Variants in TANC1 observed in about 807,000 individuals in gnomAD.
TANC1 encodes protein TANC1.
Under a neutral mutation model 149.7 loss-of-function variants are expected in TANC1, and 77 were observed. That is an observed-to-expected ratio of 0.51 (90% CI 0.43 to 0.62). The LOEUF (loss-of-function observed/expected upper bound fraction) is 0.62, where lower values mean the gene tolerates loss of function less well. Among genes scored for constraint, TANC1 ranks in the 20% least tolerant of loss-of-function variants. The pLI is 0.00. For synonymous variants in TANC1, 854 were observed against 925.0 expected, an observed-to-expected ratio of 0.92 and a Z score of 1.39; for missense variants, 1,985 against 2,321.8, an observed-to-expected ratio of 0.85 and a Z score of 2.98.
chr2:159,007,810 T>C (rs1193727583), intron 2 of TANC1, among the ~76,000 whole-genome samples: 4 of 152,132 alleles, frequency 2.6e-5, no homozygotes, highest in African/African-American at 9.7e-5. Context: ...AGCTGTGGGA[T>C]AGATAGCTGA....
intron 4 of TANC1, among the ~76,000 whole-genome samples, chr2:159,099,843 G>A (rs189432878): frequency 1.7e-3 from 257 of 151,962 alleles, no homozygotes; most frequent in South Asian, 6.5e-3. Flanking sequence ...TTCCCCATGC[G>A]GTATTTGGAG....
At chr2:158,979,761 A>G (rs1475597473) in intron 1 of TANC1, among the ~76,000 whole-genome samples, 1 of 152,222 alleles carries the variant, frequency 6.6e-6, no homozygotes, top group Non-Finnish European at 1.5e-5. Context: ...GACAATTTGA[A>G]ATTTGTTTCA....
At chr2:159,036,867 A>G (rs1191440819) in intron 2 of TANC1, among the ~76,000 whole-genome samples, 2 of 152,242 alleles carry the variant, frequency 1.3e-5, no homozygotes, top group African/African-American at 4.8e-5. Flanking sequence ...TCCTTTGAGT[A>G]TATACCCAGT....
intron 4 of TANC1, among the ~76,000 whole-genome samples, chr2:159,127,682 A>T (rs2049603979): frequency 6.6e-6 from 1 of 152,218 alleles, no homozygotes; most frequent in African/African-American, 2.4e-5. Flanking sequence ...GAACACATGG[A>T]GAAGAACAAC....
At chr2:159,110,273 A>G (rs1239586642) in intron 4 of TANC1, among the ~76,000 whole-genome samples, 2 of 152,216 alleles carry the variant, frequency 1.3e-5, no homozygotes, top group African/African-American at 4.8e-5. Flanking sequence ...AGGAAAAAGC[A>G]TAGTGTGTAT....
chr2:159,078,085 G>T (rs2043879480), intron 3 of TANC1, among the ~76,000 whole-genome samples: 1 of 152,134 alleles, frequency 6.6e-6, no homozygotes, highest in Non-Finnish European at 1.5e-5. Flanking sequence ...CATACTTCCT[G>T]GGTTTGTATC....
intron 1 of TANC1, among the ~76,000 whole-genome samples, chr2:158,991,316 T>G (rs1238001983): frequency 1.3e-5 from 2 of 152,160 alleles, no homozygotes; most frequent in Non-Finnish European, 2.9e-5. Context: ...GTGCACGGTC[T>G]GATTAAGTAA....
At chr2:159,101,891 A>G (rs1048462850) in intron 4 of TANC1, among the ~76,000 whole-genome samples, 4 of 152,176 alleles carry the variant, frequency 2.6e-5, no homozygotes, top group East Asian at 1.9e-4. Context: ...CAAGTGGGCG[A>G]TACTGCCCTA....
chr2:159,023,595 G>A (rs1574180532), intron 2 of TANC1, among the ~76,000 whole-genome samples: 1 of 152,106 alleles, frequency 6.6e-6, no homozygotes, highest in South Asian at 2.1e-4. Flanking sequence ...TCCCACCTTG[G>A]CTTCCCAAAG....
chr2:159,067,404 A>G (rs75815855), intron 3 of TANC1, among the ~76,000 whole-genome samples: 14,741 of 152,246 alleles, frequency 0.097, 752 homozygotes, highest in Non-Finnish European at 0.11. Context: ...TTAATGACCT[A>G]AACAGGAGAC....
At chr2:159,004,443 A>G (rs2036936591) in intron 2 of TANC1, 2 of 771,002 alleles carry the variant, frequency 2.6e-6, no homozygotes, top group Non-Finnish European at 2.2e-6. Flanking sequence ...TATTTTCTAT[A>G]TTAATAATGC....
rs374834588 is a variant in TANC1 at position 159,186,918 on chromosome 2, C to T, written c.2636C>T (p.Thr879Met). ...TGTTTCCAGGGCCTCAGTAAGAAGA[C>T]GGGAATTTCTTCAAGCCATCTCCAA... ...AHIFKGLSKKTGISSSHLQAL... is the reference protein window; with the variant it reads ...AHIFKGLSKKMGISSSHLQAL... The change falls in exon 16 of 27, where the codon ACG becomes ATG. Residue 879 changes from threonine (T) to methionine (M), a missense_variant. Thr to Met is a moderately conservative substitution (Grantham distance 81). Around this residue, in one of 3 missense-constraint regions of TANC1, gnomAD observed 508 missense variants for 714.2 expected, o/e 0.71. Coordinates refer to ENST00000263635, the MANE Select transcript of TANC1 (RefSeq NM_033394.3). The T allele has an allele frequency of 7.3e-5, 118 of 1,614,018 alleles. No individual in the cohort carries two copies. Among genetic ancestry groups the T allele is most frequent in the East Asian group, 1.1e-4 (5 of 44,896 alleles).
In TANC1 at chr2:159,212,464, C is replaced by G. The variant is rs570700677; in HGVS notation, c.3245-5033C>G. 2.0e-4 allele frequency among the ~76,000 whole-genome samples: 31 copies of G among 152,310 alleles called. 1 individual carries two copies. In the East Asian group the frequency reaches 5.8e-3, roughly 28 times the overall value. On this transcript the variant is annotated intron_variant, in intron 19 of 26. Transcript: ENST00000263635. ...TGTATATTGTAGGAGAGGAAGAAATCACTTCATCCCTACCCTTCACAGTTC... is the reference window on the plus strand; with the variant it reads ...TGTATATTGTAGGAGAGGAAGAAATGACTTCATCCCTACCCTTCACAGTTC...
chr2:158,969,623 G>A (rs1401409648), intron 1 of TANC1, among the ~76,000 whole-genome samples: 3 of 152,350 alleles, frequency 2.0e-5, no homozygotes, highest in African/African-American at 7.2e-5. Context: ...CTTTGGCGCG[G>A]CGGCTTTCCG....
At chr2:159,011,326 CA>C (rs1363999131) in intron 2 of TANC1, among the ~76,000 whole-genome samples, 2 of 151,468 alleles carry the variant, frequency 1.3e-5, no homozygotes, top group African/African-American at 4.9e-5. Flanking sequence ...AGTAAAACAA[CA>C]ACAACAACAA....
chr2:159,006,225 G>A (rs2037156196), intron 2 of TANC1, among the ~76,000 whole-genome samples: 2 of 151,262 alleles, frequency 1.3e-5, no homozygotes, highest in African/African-American at 2.4e-5. Context: ...GAAACTGGGA[G>A]GCGGAGGTTG....
chr2:159,191,882 A>G (rs1303613350), intron 16 of TANC1, among the ~76,000 whole-genome samples: 2 of 152,264 alleles, frequency 1.3e-5, no homozygotes, highest in East Asian at 3.9e-4. Flanking sequence ...TTTAGTGGGC[A>G]GGTGGAGGAC....
intron 16 of TANC1, 85 bp downstream of exon 16, chr2:159,187,109 C>G (rs994124522): frequency 6.5e-7 from 1 of 1,528,748 alleles, no homozygotes; most frequent in African/African-American, 1.4e-5. Flanking sequence ...TTCCCTCTGC[C>G]CTGGGTGGTG....
chr2:159,136,807 A>T (rs1406853219), intron 5 of TANC1, among the ~76,000 whole-genome samples: 1 of 144,058 alleles, frequency 6.9e-6, no homozygotes, highest in Admixed American at 7.0e-5. Context: ...AAAAAAAAAA[A>T]CCAAATTGAT....
Sources: gnomAD v4.1 joint callset for allele counts (sites outside exome capture counted in the v4.1 genomes callset) on GRCh38, gnomAD v4.1.1 for gene constraint, gnomAD v4.1.1 regional missense constraint, MANE v1.5 for transcripts, NCBI Gene and HGNC (gene_info 2026-07-23, HGNC 2026-07-21) for gene names.